The following AGRN variants were observed in gnomAD, a reference collection of about 807,000 sequenced individuals.
AGRN encodes agrin proteoglycan.
Under a neutral mutation model 211.0 loss-of-function variants are expected in AGRN, and 106 were observed. That is an observed-to-expected ratio of 0.50 (90% CI 0.43 to 0.59). AGRN has a LOEUF of 0.59. Among genes scored for constraint, AGRN ranks in the 20% least tolerant of loss-of-function variants. The pLI, the probability that AGRN is intolerant of heterozygous loss-of-function variation, is 0.00. For missense variants in AGRN, 3,040 were observed against 2,982.6 expected (o/e 1.02, Z -0.45); for synonymous variants, 1,525 against 1,332.5 (o/e 1.14, Z -3.15).
chr1:1,042,668 G>T (rs1644977240), intron 7 of AGRN, among the ~76,000 whole-genome samples: 1 of 152,164 alleles, frequency 6.6e-6, no homozygotes, highest in Non-Finnish European at 1.5e-5. Flanking sequence ...TTCCCTGTCG[G>T]CTCCGCCTCT....
At chr1:1,022,005 A>C (rs1397643305) in intron 1 of AGRN, among the ~76,000 whole-genome samples, 196 bp from the exon 2 acceptor site, 1 of 152,220 alleles carries the variant, frequency 6.6e-6, no homozygotes, top group Non-Finnish European at 1.5e-5. Context: ...CGCATCTCTG[A>C]GCGTTCCCGC....
rs142783040 is a variant in AGRN, at chr1:1,050,506, G to A, written c.5056G>A (p.Gly1686Ser). 3.5e-5 allele frequency: 57 copies of A among 1,612,760 alleles called. No individual in the cohort carries two copies. The highest frequency in any genetic ancestry group is 6.7e-5 in the African/African-American group (5 of 74,894). The change falls in exon 29 of 36, where the codon GGC becomes AGC. Residue 1686 changes from glycine to serine, a missense_variant. Gly to Ser is a moderately conservative substitution (Grantham distance 56, BLOSUM62 0). Coordinates refer to ENST00000379370, the MANE Select transcript of AGRN (RefSeq NM_198576.4). ...GCTCTACAACGGGCAGAAGACGGACGGCAAGGGGGACTTCGTGTCGCTGGC... is the reference window on the plus strand; with the variant it reads ...GCTCTACAACGGGCAGAAGACGGACAGCAAGGGGGACTTCGTGTCGCTGGC... ...LLLYNGQKTD[G>S]KGDFVSLALR... is the part of the protein sequence containing the mutation.
chr1:1,046,862 C>T lies in AGRN; in HGVS notation c.3293C>T (p.Pro1098Leu), dbSNP rs758220561. 2.5e-6 allele frequency: 4 copies of T among 1,586,976 alleles called. No individual in the cohort carries two copies. Among genetic ancestry groups the T allele is most frequent in the Non-Finnish European group, 3.4e-6 (4 of 1,168,722 alleles). The change falls in exon 19 of 36, where the codon CCA becomes CTA. Residue 1098 changes from proline to leucine, a missense_variant. Around this residue, in one of 3 missense-constraint regions of AGRN, gnomAD observed 1,537 missense variants for 1,505.0 expected, o/e 1.02. Transcript: ENST00000379370. ...GGCAGCAGCGTGGCCACCCCTGGGC[C>T]ACCTGTCGAGAGGGCTTCCTGCTAC... Reference protein sequence around the residue: ...LEGSSVATPGPPVERASCYNS... With the variant: ...LEGSSVATPGLPVERASCYNS...
At chr1:1,049,862 C>A (rs773782029) in intron 26 of AGRN, 41 bp from the exon 27 acceptor site, 1 of 1,611,710 alleles carries the variant, frequency 6.2e-7, no homozygotes, top group Non-Finnish European at 8.5e-7. Flanking sequence ...CAACCGACGC[C>A]TCCTGGGACC....
intron 2 of AGRN, chr1:1,034,825 G>A (rs1644762105): frequency 1.6e-6 from 1 of 623,940 alleles, no homozygotes; most frequent in Non-Finnish European, 2.1e-6. Context: ...GATGGGATGG[G>A]TCACTCTGCG....
chr1:1,028,320 G>GCA (rs779617012), intron 2 of AGRN, among the ~76,000 whole-genome samples: 7,172 of 104,542 alleles, frequency 0.069, 31 homozygotes, highest in Non-Finnish European at 0.091. Context: ...GTGGGGAAAC[G>GCA]CCCCCCCCCC....
At chr1:1,029,184 T>C (rs1011959495) in intron 2 of AGRN, among the ~76,000 whole-genome samples, 1 of 151,930 alleles carries the variant, frequency 6.6e-6, no homozygotes, top group Non-Finnish European at 1.5e-5. Flanking sequence ...CTCCACCCAC[T>C]CCAGGCCCCA....
At position 1,041,233 on chromosome 1, in the gene AGRN, C is replaced by G; in HGVS notation, c.788C>G (p.Ala263Gly). 6.7e-7 allele frequency: 1 copy of G among 1,486,994 alleles called. No homozygotes were observed. Among genetic ancestry groups the G allele is most frequent in the Non-Finnish European group, 8.9e-7 (1 of 1,124,768 alleles). 92.1% of individuals were successfully genotyped at this position (1,486,994 alleles called of 1,614,324 possible). ...CSFGSTCARS[A>G]DGLTASCLCP... ...TTCGGCAGCACCTGTGCGCGCTCGG[C>G]CGACGGGCTGACGGCCTCGTGCCTG... Residue 263 changes from alanine (A) to glycine (G), a missense_variant, in exon 5 of 36, where the codon GCC (alanine) becomes GGC (glycine). By Grantham distance (60) the Ala-to-Gly change is moderately conservative. Coordinates refer to ENST00000379370, the MANE Select transcript of AGRN (RefSeq NM_198576.4).
chr1:1,050,332 C>G lies in AGRN; in HGVS notation c.4976+3C>G, dbSNP rs113681205. 1 of 1,612,480 alleles carries G rather than the reference C, an allele frequency of 6.2e-7. No homozygotes were observed. Among genetic ancestry groups the G allele is most frequent in the East Asian group, 2.2e-5 (1 of 44,852 alleles). On this transcript the variant is annotated splice_donor_region_variant and intron_variant, in intron 28 of 35. Transcript: ENST00000379370. Reference sequence around the variant, plus strand: ...CACACCTTTGCACGGGACCTGGGGTCGGTGGGGCAGGAGCAGGGGGAAGGG... The same window carrying G: ...CACACCTTTGCACGGGACCTGGGGTGGGTGGGGCAGGAGCAGGGGGAAGGG...
chr1:1,021,567 C>G (rs1257769542), intron 1 of AGRN, among the ~76,000 whole-genome samples: 2 of 152,252 alleles, frequency 1.3e-5, no homozygotes, highest in Non-Finnish European at 2.9e-5. Flanking sequence ...TGCGTGGGTC[C>G]CTGTCCCCGT....
At chr1:1,049,502 C>G in intron 25 of AGRN, 51 bp downstream of exon 25, 2 of 1,597,106 alleles carry the variant, frequency 1.3e-6, no homozygotes, top group Non-Finnish European at 1.7e-6. Context: ...TTTGGGGTCC[C>G]GGTGTACGAG....
chr1:1,042,513 A>G (rs1338219044), intron 7 of AGRN, among the ~76,000 whole-genome samples: 2 of 152,154 alleles, frequency 1.3e-5, no homozygotes, highest in Non-Finnish European at 2.9e-5. Context: ...GGACATGGGC[A>G]GCCGTCGGCC....
intron 29 of AGRN, 46 bp from the exon 30 acceptor site, chr1:1,050,680 T>C (rs757836552): frequency 6.2e-7 from 1 of 1,601,930 alleles, no homozygotes; most frequent in Non-Finnish European, 8.5e-7. Flanking sequence ...GGTGGTCGCG[T>C]GGCCGGTGGT....
In AGRN at chr1:1,020,268, G is replaced by T. The variant is rs1428343081; in HGVS notation, c.96G>T (p.Pro32=). 6.8e-7 allele frequency: 1 copy of T among 1,467,064 alleles called. No homozygotes were observed. The highest frequency in any genetic ancestry group is 9.0e-7 in the Non-Finnish European group (1 of 1,109,256). 90.9% of individuals were successfully genotyped at this position (1,467,064 alleles called of 1,614,324 possible). A position where few individuals can be genotyped will look rare whatever the true frequency, so the allele number is the denominator to read the frequency against. Residue 32 remains proline (P), a synonymous_variant, in exon 1 of 36, where the codon CCG becomes CCT. Transcript: ENST00000379370. ...TGCCCGGAGCCGGCGGGACATGCCCGGAGCGCGCGCTGGAGCGGCGCGAGG... is the reference window on the plus strand; with the variant it reads ...TGCCCGGAGCCGGCGGGACATGCCCTGAGCGCGCGCTGGAGCGGCGCGAGG... ...CVLPGAGGTC[P]ERALERREEE... is the part of the protein sequence containing the mutation.
At chr1:1,053,653 C>A (rs1468390288) in intron 33 of AGRN, 100 bp from the exon 34 acceptor site, 4 of 1,492,440 alleles carry the variant, frequency 2.7e-6, no homozygotes, top group Admixed American at 3.9e-5. Flanking sequence ...CCCGTCACAG[C>A]CCTTGTGGCC....
At position 1,049,588 on chromosome 1, in the gene AGRN, G is replaced by T; in HGVS notation, c.4537G>T (p.Gly1513Cys). The T allele has an allele frequency of 6.3e-7, 1 of 1,590,594 alleles. No individual in the cohort carries two copies. Residue 1513 changes from glycine to cysteine, a missense_variant, in exon 26 of 36, where the codon GGC becomes TGC. Physicochemically the swap from Gly to Cys is radical, Grantham distance 159 (BLOSUM62 -3). Around this residue, in one of 3 missense-constraint regions of AGRN, gnomAD observed 1,537 missense variants for 1,505.0 expected, o/e 1.02. Transcript: ENST00000379370. ...AAVALERTFV[G>C]AGLRGCIRLL... ...CAGGGCGCTGGAGCGGACCTTCGTG[G>T]GCGCCGGCCTGAGGGGGTGCATCCG... is the stretch of plus-strand genomic sequence containing the variant.
In AGRN at chr1:1,050,754, T is replaced by C; in HGVS notation, c.5170T>C (p.Trp1724Arg). The C allele has an allele frequency of 6.2e-7, 1 of 1,603,588 alleles. No homozygotes were observed. The highest frequency in any genetic ancestry group is 1.1e-5 in the South Asian group (1 of 90,146). ...RSREPVTLGA[W>R]TRVSLERNGR... The stretch of plus-strand genomic sequence containing the variant: ...CAGGGAGCCAGTCACCCTGGGAGCC[T>C]GGACCAGGGTCTCACTGGAGCGAAA... The change falls in exon 30 of 36, where the codon TGG (tryptophan) becomes CGG (arginine). Residue 1724 changes from tryptophan to arginine, a missense_variant. Trp to Arg is a moderately radical substitution (Grantham distance 101). Transcript: ENST00000379370.
chr1:1,051,400 C>T (rs1415904125), intron 31 of AGRN, 31 bp downstream of exon 31: 2 of 1,547,882 alleles, frequency 1.3e-6, no homozygotes, highest in Admixed American at 3.9e-5. Flanking sequence ...CCAGCAGGGC[C>T]TCCGGGGCGG....
Position 1,031,741 on chromosome 1 carries a change from T to A in AGRN, c.464-3536T>A, listed in dbSNP as rs1644680997. Among the ~76,000 whole-genome samples the A allele has an allele frequency of 1.3e-5, 2 of 152,102 alleles. No individual in the cohort carries two copies. The highest frequency in any genetic ancestry group is 2.9e-5 in the Non-Finnish European group (2 of 67,998). ...CCCTCTGCCAGCCCGTACCTGGGGC[T>A]CCCCCACCCCTCCCACATTGTGGTA... On this transcript the variant is annotated intron_variant, in intron 2 of 35. Coordinates refer to ENST00000379370, the MANE Select transcript of AGRN (RefSeq NM_198576.4). This position sits in a 1 kb window ranked among gnomAD's most constrained non-coding sequence, Gnocchi z 4.8.
Sources: allele counts gnomAD v4.1 joint callset (sites outside exome capture counted in the v4.1 genomes callset), GRCh38; gene constraint gnomAD v4.1.1; regional missense constraint gnomAD v4.1.1; non-coding constraint Gnocchi (gnomAD v3.1); transcripts MANE v1.5; gene names NCBI Gene and HGNC (gene_info 2026-07-23, HGNC 2026-07-21).